The following EPHA6 variants were observed in gnomAD, a reference collection of about 807,000 sequenced individuals.
The protein encoded by EPHA6 is ephrin type-A receptor 6.
Under a neutral mutation model 112.0 loss-of-function variants are expected in EPHA6, and 50 were observed. The observed-to-expected ratio is 0.45, with a 90% CI of 0.36 to 0.56. The LOEUF (loss-of-function observed/expected upper bound fraction) is 0.56. Ranked by LOEUF, EPHA6 falls within the 20% of genes least tolerant of loss-of-function variation. The pLI is 0.00. For synonymous variants in EPHA6, 529 were observed against 490.7 expected (o/e 1.08, Z -1.03); for missense variants, 1,280 against 1,417.4 (o/e 0.90, Z 1.56).
intron 13 of EPHA6, among the ~76,000 whole-genome samples, chr3:97,619,394 G>A (rs1420336711): frequency 7.4e-6 from 1 of 134,346 alleles, no homozygotes; most frequent in East Asian, 2.4e-4. Context: ...ATTCAACATA[G>A]TATGGAAATT....
At chr3:97,225,345 G>T (rs867034347) in intron 3 of EPHA6, among the ~76,000 whole-genome samples, 5 of 152,078 alleles carry the variant, frequency 3.3e-5, no homozygotes, top group South Asian at 2.1e-4. Flanking sequence ...TATTTTATTG[G>T]CAAACTGTAT....
chr3:96,814,614 A>T lies in EPHA6; in HGVS notation c.-10A>T, dbSNP rs369215378. The T allele has an allele frequency of 1.5e-4, 214 of 1,416,958 alleles. No homozygotes were observed. The highest frequency in any genetic ancestry group is 6.6e-4 in the Admixed American group (27 of 40,680). The allele number at this position is 1,416,958 out of a possible 1,614,324, so 87.8% of individuals were successfully genotyped here. A position where few individuals can be genotyped will look rare whatever the true frequency, so the allele number is the denominator to read the frequency against. On this transcript the variant is annotated 5_prime_UTR_variant, in exon 1 of 18. Coordinates refer to ENST00000389672, the MANE Select transcript of EPHA6 (RefSeq NM_001080448.3). Reference sequence around the variant, plus strand: ...TGAATAGTCCTCGCGCAAGCGGGACACTGTGGTGGATGCAATTCCCCTCGC... The same window carrying T: ...TGAATAGTCCTCGCGCAAGCGGGACTCTGTGGTGGATGCAATTCCCCTCGC...
chr3:96,843,046 A>T (rs867469019), intron 1 of EPHA6, among the ~76,000 whole-genome samples: 1 of 152,112 alleles, frequency 6.6e-6, no homozygotes, highest in South Asian at 2.1e-4. Context: ...AGCAGAATTC[A>T]TACTTAATTT....
chr3:97,341,834 C>T (rs1481469921), intron 5 of EPHA6, among the ~76,000 whole-genome samples: 4 of 151,934 alleles, frequency 2.6e-5, no homozygotes, highest in Admixed American at 1.3e-4. Flanking sequence ...TTTATATTAC[C>T]CCAGCAAAAT....
intron 2 of EPHA6, among the ~76,000 whole-genome samples, chr3:96,981,539 C>G (rs911849842): frequency 6.6e-6 from 1 of 151,862 alleles, no homozygotes; most frequent in Non-Finnish European, 1.5e-5. Context: ...CTCTGCGAGG[C>G]TTTAGTATCA....
At chr3:97,011,195 G>A (rs1576317073) in intron 3 of EPHA6, among the ~76,000 whole-genome samples, 1 of 152,266 alleles carries the variant, frequency 6.6e-6, no homozygotes, top group East Asian at 1.9e-4. Context: ...TCTGTATAAG[G>A]GGATTTTAAG....
At chr3:97,475,551 G>T (rs1011383010) in intron 8 of EPHA6, 91 bp downstream of exon 8, 20 of 879,004 alleles carry the variant, frequency 2.3e-5, no homozygotes, top group African/African-American at 3.4e-5. Context: ...ATATAACAAA[G>T]CACACCTGAG....
At chr3:97,023,638 C>G (rs2044538476) in intron 3 of EPHA6, among the ~76,000 whole-genome samples, 1 of 151,516 alleles carries the variant, frequency 6.6e-6, no homozygotes, top group East Asian at 1.9e-4. Flanking sequence ...TAGTATATGA[C>G]CTTTAGAAGT....
intron 3 of EPHA6, among the ~76,000 whole-genome samples, chr3:97,187,399 A>G (rs1456604206): frequency 1.3e-5 from 2 of 151,750 alleles, no homozygotes; most frequent in Non-Finnish European, 2.9e-5. Context: ...GTGAAACCCC[A>G]TCTCTACTAA....
intron 4 of EPHA6, among the ~76,000 whole-genome samples, chr3:97,231,978 G>T (rs1159899362): frequency 2.0e-5 from 3 of 152,128 alleles, no homozygotes; most frequent in Admixed American, 2.0e-4. Flanking sequence ...TATTTGTGCT[G>T]TGGGAATGAA....
intron 1 of EPHA6, among the ~76,000 whole-genome samples, chr3:96,835,204 CA>C (rs2034332912): frequency 6.6e-6 from 1 of 151,986 alleles, no homozygotes; most frequent in African/African-American, 2.4e-5. Context: ...ATTGGAGATA[CA>C]AATATGAGTA....
intron 1 of EPHA6, among the ~76,000 whole-genome samples, chr3:96,845,349 C>T (rs2035006373): frequency 6.6e-6 from 1 of 151,918 alleles, no homozygotes; most frequent in Non-Finnish European, 1.5e-5. Flanking sequence ...TCATGCTGTG[C>T]CCAATTAACT....
chr3:97,655,436 T>C (rs1004064602), intron 14 of EPHA6, among the ~76,000 whole-genome samples: 1 of 151,820 alleles, frequency 6.6e-6, no homozygotes, highest in Non-Finnish European at 1.5e-5. Flanking sequence ...CTTTGAAGGT[T>C]GAGAAAAAAA....
At chr3:97,599,490 G>T (rs1282156664) in intron 12 of EPHA6, among the ~76,000 whole-genome samples, 1 of 144,768 alleles carries the variant, frequency 6.9e-6, no homozygotes, top group Non-Finnish European at 1.5e-5. Context: ...CATATGGCTA[G>T]CCAGTTTTCC....
chr3:97,247,172 C>T (rs941428165), intron 5 of EPHA6, among the ~76,000 whole-genome samples: 1 of 151,922 alleles, frequency 6.6e-6, no homozygotes, highest in African/African-American at 2.4e-5. Context: ...TCTGATAACA[C>T]GTTACGATTT....
chr3:97,009,794 TG>T (rs1270357232), intron 3 of EPHA6, among the ~76,000 whole-genome samples: 1 of 152,208 alleles, frequency 6.6e-6, no homozygotes, highest in East Asian at 1.9e-4. Context: ...TTTCCCTGGC[TG>T]GGTAGCATGC....
At chr3:96,922,062 A>G (rs1338230459) in intron 2 of EPHA6, among the ~76,000 whole-genome samples, 1 of 152,164 alleles carries the variant, frequency 6.6e-6, no homozygotes, top group African/African-American at 2.4e-5. Flanking sequence ...GAAAAAGAGA[A>G]TGCCAAAACA....
intron 3 of EPHA6, among the ~76,000 whole-genome samples, chr3:97,224,426 T>A (rs1237712419): frequency 2.6e-5 from 4 of 152,184 alleles, no homozygotes; most frequent in Non-Finnish European, 4.4e-5. Context: ...ACACGTCAGA[T>A]AAGAAATTAT....
At chr3:97,649,882 C>T (rs950739816) in intron 14 of EPHA6, among the ~76,000 whole-genome samples, 8 of 151,882 alleles carry the variant, frequency 5.3e-5, no homozygotes, top group Non-Finnish European at 1.0e-4. Context: ...AGGAAGAAAT[C>T]GATGCGCTAA....
Sources: allele counts gnomAD v4.1 joint callset (sites outside exome capture counted in the v4.1 genomes callset), GRCh38; gene constraint gnomAD v4.1.1; transcripts MANE v1.5; gene names NCBI Gene and HGNC (gene_info 2026-07-23, HGNC 2026-07-21).